The following SVIL variants were observed in gnomAD, a reference collection of about 807,000 sequenced individuals.
The protein encoded by SVIL is supervillin, also known as archvillin.
Under a neutral mutation model 240.4 loss-of-function variants are expected in SVIL, and 101 were observed. The ratio of observed to expected loss-of-function variants is 0.42; its 90% CI spans 0.36 to 0.50. SVIL has a LOEUF of 0.50. SVIL is among the 20% of genes least tolerant of loss of function. SVIL has a pLI of 0.01. For missense variants in SVIL, 2,512 were observed against 2,818.7 expected, an observed-to-expected ratio of 0.89 and a Z score of 2.46; for synonymous variants, 999 against 1,100.0, an observed-to-expected ratio of 0.91 and a Z score of 1.82.
chr10:29,627,321 A>AG (rs1157214753), intron 1 of SVIL, among the ~76,000 whole-genome samples: 1 of 152,130 alleles, frequency 6.6e-6, no homozygotes, highest in African/African-American at 2.4e-5. Context: ...AATACGTAAA[A>AG]GGGGTCTTAA....
chr10:29,486,102 G>T lies in SVIL; in HGVS notation c.4762C>A (p.Leu1588Ile), dbSNP rs773676892. 1 of 1,614,214 alleles carries T rather than the reference G, an allele frequency of 6.2e-7. No individual in the cohort carries two copies. The highest frequency in any genetic ancestry group is 2.2e-5 in the East Asian group (1 of 44,880). The change falls in exon 26 of 38, where the codon CTT becomes ATT. Residue 1588 changes from leucine to isoleucine, a missense_variant. This residue lies in a region of SVIL where 797 missense variants were observed against 925.3 expected (regional missense o/e 0.86). Coordinates refer to ENST00000355867, the MANE Select transcript of SVIL (RefSeq NM_021738.3). ...GACTGTACCTCTTTGGGTTGCAGAAGGGAGCACTTCGGAATTTTCCCCCAG... is the reference window on the plus strand; with the variant it reads ...GACTGTACCTCTTTGGGTTGCAGAATGGAGCACTTCGGAATTTTCCCCCAG... ...DYWGKIPKCS[L>I]LQPKEVLVFD...
chr10:29,539,739 C>A (rs1756270024), intron 6 of SVIL, among the ~76,000 whole-genome samples: 1 of 152,146 alleles, frequency 6.6e-6, no homozygotes, highest in Non-Finnish European at 1.5e-5. Context: ...CGATACACAG[C>A]CCCAGGGTGC....
chr10:29,547,681 T>C (rs1041344523), intron 6 of SVIL, among the ~76,000 whole-genome samples: 4 of 152,224 alleles, frequency 2.6e-5, no homozygotes, highest in African/African-American at 4.8e-5. Flanking sequence ...CTTGGGATGC[T>C]CAACAAAGTC....
chr10:29,631,976 A>T (rs1012129987), intron 1 of SVIL, among the ~76,000 whole-genome samples: 2 of 152,142 alleles, frequency 1.3e-5, no homozygotes, highest in African/African-American at 4.8e-5. Context: ...TCAGCGCTTT[A>T]ACATAAAATT....
intron 2 of SVIL, among the ~76,000 whole-genome samples, chr10:29,672,660 C>A (rs1959870730): frequency 6.6e-6 from 1 of 152,132 alleles, no homozygotes; most frequent in Non-Finnish European, 1.5e-5. Flanking sequence ...TATGCTCCTC[C>A]TTGTGCTTCA....
At chr10:29,536,179 T>C in intron 6 of SVIL, 110 bp from the exon 7 acceptor site, 1 of 1,033,130 alleles carries the variant, frequency 9.7e-7, no homozygotes. Flanking sequence ...AGAATAATCC[T>C]CACTTATAAG....
chr10:29,561,359 G>A (rs923960171), intron 3 of SVIL, among the ~76,000 whole-genome samples: 1 of 152,020 alleles, frequency 6.6e-6, no homozygotes, highest in Non-Finnish European at 1.5e-5. Flanking sequence ...TCCTGTTTTT[G>A]ATTTTTCTGC....
At chr10:29,643,719 C>T (rs1200842225) in intron 3 of SVIL, among the ~76,000 whole-genome samples, 1 of 152,142 alleles carries the variant, frequency 6.6e-6, no homozygotes, top group Non-Finnish European at 1.5e-5. Context: ...TTTCTCAAAG[C>T]TTTTGGAGAA....
At chr10:29,621,913 C>A (rs767077140) in intron 1 of SVIL, among the ~76,000 whole-genome samples, 1 of 152,096 alleles carries the variant, frequency 6.6e-6, no homozygotes, top group Non-Finnish European at 1.5e-5. Context: ...CACACATACA[C>A]GTAGACATAC....
intron 6 of SVIL, among the ~76,000 whole-genome samples, chr10:29,539,205 A>G (rs1564602951): frequency 6.6e-6 from 1 of 152,140 alleles, no homozygotes; most frequent in African/African-American, 2.4e-5. Flanking sequence ...ATAAACAAAC[A>G]AAGTATGTGA....
At chr10:29,459,063 A>G (rs1943914685) in intron 36 of SVIL, among the ~76,000 whole-genome samples, 1 of 150,872 alleles carries the variant, frequency 6.6e-6, no homozygotes, top group Non-Finnish European at 1.5e-5. Flanking sequence ...TCTGGCCTCA[A>G]GCGATCCTCC....
At chr10:29,519,764 A>G (rs967391671) in intron 16 of SVIL, among the ~76,000 whole-genome samples, 1 of 152,258 alleles carries the variant, frequency 6.6e-6, no homozygotes, top group African/African-American at 2.4e-5. Context: ...CTGAATATCA[A>G]TCAAGCATTC....
At chr10:29,574,906 A>AT (rs912202111) in intron 1 of SVIL, among the ~76,000 whole-genome samples, 22 of 152,170 alleles carry the variant, frequency 1.4e-4, no homozygotes, top group Admixed American at 1.1e-3. Flanking sequence ...AACCAGGGCT[A>AT]CCCCCAGATA....
chr10:29,528,395 G>A (rs1951092399), intron 12 of SVIL, among the ~76,000 whole-genome samples: 1 of 152,144 alleles, frequency 6.6e-6, no homozygotes, highest in East Asian at 1.9e-4. Flanking sequence ...TTTCCAGGAA[G>A]GGTGTCTGTG....
chr10:29,698,696 C>A, intron 1 of SVIL, among the ~76,000 whole-genome samples: 1 of 115,930 alleles, frequency 8.6e-6, no homozygotes. Context: ...CTGCATGAGT[C>A]ATATTACTCC....
At chr10:29,524,396 A>G in intron 14 of SVIL, 76 bp downstream of exon 14, 1 of 1,583,376 alleles carries the variant, frequency 6.3e-7, no homozygotes, top group Non-Finnish European at 8.6e-7. Flanking sequence ...TACATCATTG[A>G]CCTCAGAGGA....
At chr10:29,505,452 C>T (rs1384603231) in intron 17 of SVIL, among the ~76,000 whole-genome samples, 1 of 151,842 alleles carries the variant, frequency 6.6e-6, no homozygotes, top group Non-Finnish European at 1.5e-5. Context: ...TGTGTGATTC[C>T]AATTCAATGA....
chr10:29,531,336 C>A, intron 9 of SVIL, 48 bp from the exon 10 acceptor site: 1 of 1,535,446 alleles, frequency 6.5e-7, no homozygotes. Flanking sequence ...CAGGTGGGAG[C>A]AGAAGATCGA....
intron 16 of SVIL, among the ~76,000 whole-genome samples, chr10:29,514,048 A>G (rs1950040483): frequency 6.6e-6 from 1 of 151,870 alleles, no homozygotes; most frequent in Admixed American, 6.5e-5. Context: ...CAATTTAAAG[A>G]GTAGGGAAAA....
Sources: gnomAD v4.1 joint callset for allele counts (sites outside exome capture counted in the v4.1 genomes callset) on GRCh38, gnomAD v4.1.1 for gene constraint, gnomAD v4.1.1 regional missense constraint, MANE v1.5 for transcripts, NCBI Gene and HGNC (gene_info 2026-07-23, HGNC 2026-07-21) for gene names.